Variants in NKAIN3 observed in about 807,000 individuals in gnomAD.
NKAIN3 encodes the protein sodium/potassium transporting ATPase interacting 3, also known as sodium/potassium-transporting ATPase subunit beta-1-interacting protein 3.
In NKAIN3, 25 loss-of-function variants were observed where a neutral mutation model predicts 30.2. The observed-to-expected ratio is 0.83, with a 90% CI of 0.60 to 1.16. NKAIN3 has a LOEUF of 1.16. NKAIN3 is among the 50% of genes most tolerant of loss of function. NKAIN3 has a pLI of 0.00. For missense variants in NKAIN3, 225 were observed against 254.1 expected, an observed-to-expected ratio of 0.89 and a Z score of 0.78; for synonymous variants, 91 against 89.6, an observed-to-expected ratio of 1.02 and a Z score of -0.09.
chr8:62,340,453 C>T (rs992412228), intron 1 of NKAIN3, among the ~76,000 whole-genome samples: 4 of 151,742 alleles, frequency 2.6e-5, no homozygotes, highest in Non-Finnish European at 5.9e-5. Flanking sequence ...GTTTTTATGG[C>T]CTGCTTTGTG....
Position 62,631,753 on chromosome 8 carries a change from G to C in NKAIN3, c.273+41959G>C, listed in dbSNP as rs116807908. ...TTCTTGTCTTCAAAACTCAATTTGA[G>C]TGCCACCTCTTCTGAAAATGTTTCT... On this transcript the variant is annotated intron_variant, in intron 3 of 6. Coordinates refer to ENST00000623646, the MANE Select transcript of NKAIN3 (RefSeq NM_001304533.3). Among the ~76,000 whole-genome samples, 736 of 152,176 alleles carry C rather than the reference G, an allele frequency of 4.8e-3. 7 individuals carry two copies. The highest frequency in any genetic ancestry group is 0.017 in the African/African-American group (704 of 41,526).
intron 4 of NKAIN3, among the ~76,000 whole-genome samples, chr8:62,845,806 A>G (rs961206328): frequency 1.3e-5 from 2 of 152,130 alleles, no homozygotes; most frequent in Admixed American, 6.6e-5. Context: ...TAGGGAAAAG[A>G]CAGGCTTTGT....
chr8:62,797,953 CATG>C (rs962268828), intron 4 of NKAIN3, among the ~76,000 whole-genome samples: 3 of 152,158 alleles, frequency 2.0e-5, no homozygotes, highest in African/African-American at 7.2e-5. Flanking sequence ...AGATGCTAGA[CATG>C]GAACAGATTC....
chr8:62,961,416 G>C (rs540876731), intron 6 of NKAIN3, among the ~76,000 whole-genome samples: 32 of 152,082 alleles, frequency 2.1e-4, no homozygotes, highest in African/African-American at 7.5e-4. Flanking sequence ...AGAAATACAA[G>C]AATAGTTAAA....
At chr8:62,814,221 A>G (rs1211608435) in intron 4 of NKAIN3, among the ~76,000 whole-genome samples, 1 of 151,994 alleles carries the variant, frequency 6.6e-6, no homozygotes, top group Non-Finnish European at 1.5e-5. Context: ...TTATCTTGCT[A>G]TATGGGTTTT....
At chr8:62,715,321 T>C (rs1317296532) in intron 3 of NKAIN3, among the ~76,000 whole-genome samples, 2 of 152,176 alleles carry the variant, frequency 1.3e-5, no homozygotes, top group Non-Finnish European at 2.9e-5. Context: ...AGTGTCCAGG[T>C]TGACTAATGT....
chr8:62,659,881 G>C (rs1326513318), intron 3 of NKAIN3, among the ~76,000 whole-genome samples: 3 of 152,120 alleles, frequency 2.0e-5, no homozygotes, highest in African/African-American at 4.8e-5. Flanking sequence ...CCCTGCACAA[G>C]CACTGTCTTT....
chr8:62,633,722 T>C (rs1586031960), intron 3 of NKAIN3, among the ~76,000 whole-genome samples: 1 of 152,184 alleles, frequency 6.6e-6, no homozygotes, highest in African/African-American at 2.4e-5. Flanking sequence ...CCCTCCAACT[T>C]CAGCCACCTT....
intron 4 of NKAIN3, chr8:62,855,799 G>T (rs1405003090): frequency 1.0e-6 from 1 of 1,000,962 alleles, no homozygotes; most frequent in South Asian, 1.3e-5. Context: ...TCAGCAAAGA[G>T]TAAAAAGACA....
chr8:62,997,036 G>C (rs1298558128), intron 5 of NKAIN3, among the ~76,000 whole-genome samples: 1 of 152,190 alleles, frequency 6.6e-6, no homozygotes, highest in Admixed American at 6.5e-5. Context: ...ACTAGGTAGT[G>C]CCCCAGTGAG....
At position 62,653,924 on chromosome 8, in the gene NKAIN3, AG is replaced by A. The variant is rs146537405; in HGVS notation, c.273+64133del. On this transcript the variant is annotated intron_variant, in intron 3 of 6. Transcript: ENST00000623646. ...TTGACAAGCATTTTCTGTGGACTCA[AG>A]GGTTCTAACCATGGTTTTAATCCCT... is the stretch of plus-strand genomic sequence containing the variant. Among the ~76,000 whole-genome samples the A allele has an allele frequency of 1.2e-3, 183 of 152,290 alleles. 5 individuals are homozygous for A. The East Asian group carries it at 0.025, about 21-fold the overall frequency.
intron 4 of NKAIN3, among the ~76,000 whole-genome samples, chr8:62,843,836 G>A (rs1461901505): frequency 6.6e-6 from 1 of 151,998 alleles, no homozygotes; most frequent in Non-Finnish European, 1.5e-5. Context: ...CCTTCTGAAA[G>A]GAAAGTCTGC....
Position 62,600,876 on chromosome 8 carries a change from C to T in NKAIN3, c.273+11082C>T, listed in dbSNP as rs184940794. On this transcript the variant is annotated intron_variant, in intron 3 of 6. Transcript: ENST00000623646. ...GTGAAATAGTTCTTCCTCTTCAAGGCTCATTCTTATTACTTACCTTGAATT... is the reference window on the plus strand; with the variant it reads ...GTGAAATAGTTCTTCCTCTTCAAGGTTCATTCTTATTACTTACCTTGAATT... Among the ~76,000 whole-genome samples the T allele has an allele frequency of 2.0e-3, 310 of 152,212 alleles. 2 individuals are homozygous for T. Among genetic ancestry groups the T allele is most frequent in the Non-Finnish European group, 2.4e-3 (161 of 67,972 alleles).
intron 3 of NKAIN3, among the ~76,000 whole-genome samples, chr8:62,735,374 CTTTCTTTTTTTTTTT>C (rs1815622356): frequency 1.0e-4 from 1 of 9,890 alleles, no homozygotes; most frequent in Non-Finnish European, 6.7e-4. Flanking sequence ...TTCTTTCTTT[CTTTCTTTTTTTTTTT>C]TTTTTGAGCT....
intron 4 of NKAIN3, among the ~76,000 whole-genome samples, chr8:62,779,868 A>G (rs1431269039): frequency 2.0e-5 from 3 of 152,120 alleles, no homozygotes; most frequent in Non-Finnish European, 4.4e-5. Context: ...AAAAAATTCA[A>G]ACGACCAAAT....
At chr8:62,860,878 T>G (rs1820218435) in intron 4 of NKAIN3, among the ~76,000 whole-genome samples, 1 of 152,178 alleles carries the variant, frequency 6.6e-6, no homozygotes, top group Non-Finnish European at 1.5e-5. Flanking sequence ...CTCAGACTAA[T>G]TTTTCTCTAA....
intron 1 of NKAIN3, among the ~76,000 whole-genome samples, chr8:62,443,385 A>G (rs1317617393): frequency 1.3e-5 from 2 of 151,322 alleles, no homozygotes; most frequent in Non-Finnish European, 2.9e-5. Flanking sequence ...TATTTTATTT[A>G]TTTTATTTTA....
intron 3 of NKAIN3, among the ~76,000 whole-genome samples, chr8:62,627,388 G>A (rs1282151353): frequency 2.0e-5 from 3 of 152,050 alleles, no homozygotes; most frequent in African/African-American, 7.2e-5. Context: ...AATTACCCCA[G>A]AATCAGGCTG....
intron 1 of NKAIN3, among the ~76,000 whole-genome samples, chr8:62,394,923 T>G (rs1391295759): frequency 6.8e-6 from 1 of 146,822 alleles, no homozygotes; most frequent in African/African-American, 2.6e-5. Context: ...ACAGAGGCGC[T>G]CATCACTTCT....
Sources: gnomAD v4.1 joint callset for allele counts (sites outside exome capture counted in the v4.1 genomes callset) on GRCh38, gnomAD v4.1.1 for gene constraint, MANE v1.5 for transcripts, NCBI Gene and HGNC (gene_info 2026-07-23, HGNC 2026-07-21) for gene names.